Variants in UBE2E2 observed in about 807,000 individuals in gnomAD.
UBE2E2 encodes ubiquitin-conjugating enzyme E2 E2.
A neutral mutation model predicts 24.7 loss-of-function variants in UBE2E2; 6 were observed. That is an observed-to-expected ratio of 0.24 (90% CI 0.13 to 0.48). The LOEUF is 0.48. Among genes scored for constraint, UBE2E2 ranks in the 20% least tolerant of loss-of-function variants. The pLI is 0.99. For missense variants in UBE2E2, 169 were observed against 245.0 expected, an observed-to-expected ratio of 0.69 and a Z score of 2.07; for synonymous variants, 104 against 83.6, an observed-to-expected ratio of 1.24 and a Z score of -1.33.
At chr3:23,226,799 CT>C (rs1200091168) in intron 3 of UBE2E2, among the ~76,000 whole-genome samples, 1 of 151,876 alleles carries the variant, frequency 6.6e-6, no homozygotes, top group African/African-American at 2.4e-5. Context: ...GGTTTAAATA[CT>C]GAGTAAAAGA....
At chr3:23,440,786 TA>T (rs869078567) in intron 3 of UBE2E2, among the ~76,000 whole-genome samples, 1 of 150,124 alleles carries the variant, frequency 6.7e-6, no homozygotes, top group Non-Finnish European at 1.5e-5. Context: ...GACTTGGATT[TA>T]AAAAAAAAGA....
At chr3:23,267,502 C>T (rs1269604248) in intron 3 of UBE2E2, among the ~76,000 whole-genome samples, 1 of 152,046 alleles carries the variant, frequency 6.6e-6, no homozygotes, top group Admixed American at 6.5e-5. Context: ...AAGACTAAAC[C>T]AGGAAGAAGT....
chr3:23,526,922 C>T (rs543143578), intron 4 of UBE2E2, among the ~76,000 whole-genome samples: 2 of 152,228 alleles, frequency 1.3e-5, no homozygotes, highest in South Asian at 4.2e-4. Context: ...ATTTTTCATC[C>T]AGTTATACTT....
intron 5 of UBE2E2, among the ~76,000 whole-genome samples, chr3:23,542,667 A>T (rs1000712734): frequency 3.3e-5 from 5 of 152,058 alleles, no homozygotes; most frequent in African/African-American, 1.2e-4. Flanking sequence ...TATCTTTATT[A>T]TTTTTTCTTA....
chr3:23,221,022 C>A (rs1323273423), intron 3 of UBE2E2, among the ~76,000 whole-genome samples: 2 of 152,186 alleles, frequency 1.3e-5, no homozygotes, highest in African/African-American at 4.8e-5. Context: ...CTAACTTGTT[C>A]AAATGCTATT....
chr3:23,299,333 A>T (rs1214880883), intron 3 of UBE2E2, among the ~76,000 whole-genome samples: 4 of 151,920 alleles, frequency 2.6e-5, no homozygotes, highest in African/African-American at 9.7e-5. Context: ...TAGCTTTTGA[A>T]TGTGTTTGCT....
chr3:23,310,300 C>CTTTTTT (rs34141165), intron 3 of UBE2E2, among the ~76,000 whole-genome samples: 9 of 144,090 alleles, frequency 6.2e-5, no homozygotes, highest in African/African-American at 1.5e-4. Flanking sequence ...AAAGGCATGC[C>CTTTTTT]TTTTTTTTTT....
chr3:23,304,629 G>A (rs1347227218), intron 3 of UBE2E2, among the ~76,000 whole-genome samples: 2 of 152,180 alleles, frequency 1.3e-5, no homozygotes, highest in South Asian at 2.1e-4. Context: ...CACATAATAT[G>A]TAATTGGAAA....
chr3:23,412,304 A>AT (rs1697512636), intron 3 of UBE2E2, among the ~76,000 whole-genome samples: 2 of 152,234 alleles, frequency 1.3e-5, no homozygotes, highest in Admixed American at 1.3e-4. Flanking sequence ...GTTAAAAATT[A>AT]TTTTGCCTTA....
intron 3 of UBE2E2, among the ~76,000 whole-genome samples, chr3:23,360,870 A>G (rs1335953202): frequency 6.6e-6 from 1 of 152,156 alleles, no homozygotes; most frequent in Non-Finnish European, 1.5e-5. Flanking sequence ...TCTGCACACC[A>G]AAAGAAATAA....
intron 3 of UBE2E2, among the ~76,000 whole-genome samples, chr3:23,481,469 C>T (rs550337731): frequency 2.5e-4 from 38 of 152,328 alleles, no homozygotes; most frequent in Non-Finnish European, 4.0e-4. Flanking sequence ...AGTTGTACTA[C>T]GTCCTTTGCA....
At chr3:23,356,804 T>C (rs1181592165) in intron 3 of UBE2E2, among the ~76,000 whole-genome samples, 4 of 152,238 alleles carry the variant, frequency 2.6e-5, no homozygotes, top group Non-Finnish European at 5.9e-5. Context: ...ATTTCAGTTA[T>C]TTAACACAGG....
chr3:23,500,998 G>T (rs1375564308), intron 4 of UBE2E2, among the ~76,000 whole-genome samples: 1 of 152,076 alleles, frequency 6.6e-6, no homozygotes, highest in African/African-American at 2.4e-5. Flanking sequence ...GGTTTTCAAT[G>T]ACAAAGCCAT....
intron 3 of UBE2E2, among the ~76,000 whole-genome samples, chr3:23,425,749 T>A (rs190628147): frequency 9.1e-4 from 138 of 152,282 alleles, no homozygotes; most frequent in African/African-American, 3.2e-3. Flanking sequence ...CATAGGACTA[T>A]AGAATGCTCT....
Position 23,203,458 on chromosome 3 carries a change from C to CA in UBE2E2, c.-15_-14insA, listed in dbSNP as rs573945417. The CA allele has an allele frequency of 2.7e-4, 263 of 979,464 alleles. 1 individual carries two copies. Among genetic ancestry groups the CA allele is most frequent in the African/African-American group, 2.1e-3 (114 of 54,700 alleles). 60.7% of individuals were successfully genotyped at this position (979,464 alleles called of 1,614,324 possible). A position where few individuals can be genotyped will look rare whatever the true frequency, so the allele number is the denominator to read the frequency against. The stretch of plus-strand genomic sequence containing the variant: ...GCCTGCGACCTGCACGGACACCCCC[C>CA]CCTCAGGTATTCGCTCGGGCCGCGC... On this transcript the variant is annotated 5_prime_UTR_variant, in exon 1 of 6. Transcript: ENST00000396703.
At chr3:23,341,151 C>A (rs936983313) in intron 3 of UBE2E2, among the ~76,000 whole-genome samples, 3 of 152,086 alleles carry the variant, frequency 2.0e-5, no homozygotes, top group African/African-American at 7.2e-5. Flanking sequence ...TTTTTTCACC[C>A]AACTGCAGCA....
intron 5 of UBE2E2, among the ~76,000 whole-genome samples, chr3:23,543,594 T>C (rs965649700): frequency 6.6e-6 from 1 of 152,070 alleles, no homozygotes; most frequent in Non-Finnish European, 1.5e-5. Context: ...GAAATACATT[T>C]CATGTTCATG....
chr3:23,209,959 T>C (rs1696273831), intron 2 of UBE2E2, among the ~76,000 whole-genome samples: 1 of 152,110 alleles, frequency 6.6e-6, no homozygotes, highest in African/African-American at 2.4e-5. Flanking sequence ...TTGAGACCTG[T>C]ATACTAGACC....
intron 3 of UBE2E2, among the ~76,000 whole-genome samples, chr3:23,352,860 G>C (rs926254319): frequency 6.6e-5 from 10 of 152,158 alleles, no homozygotes; most frequent in African/African-American, 2.4e-4. Context: ...TACAAAAAGA[G>C]GGAATCCTCC....
Sources: gnomAD v4.1 joint callset for allele counts (sites outside exome capture counted in the v4.1 genomes callset) on GRCh38, gnomAD v4.1.1 for gene constraint, MANE v1.5 for transcripts, NCBI Gene and HGNC (gene_info 2026-07-23, HGNC 2026-07-21) for gene names.